The following DHX34 variants were observed in gnomAD, a reference collection of about 807,000 sequenced individuals.
DHX34 encodes the protein DExH-box helicase 34.
DHX34 carries 96 observed loss-of-function variants against 111.1 expected under a neutral mutation model. The observed-to-expected ratio is 0.86, with a 90% CI of 0.73 to 1.02. The LOEUF (loss-of-function observed/expected upper bound fraction) is 1.02. Ranked by LOEUF, DHX34 falls within the 50% of genes least tolerant of loss-of-function variation. The pLI, the probability that DHX34 is intolerant of heterozygous loss-of-function variation, is 0.00. For missense variants in DHX34, 1,560 were observed against 1,579.9 expected (o/e 0.99, Z 0.21); for synonymous variants, 688 against 670.4 (o/e 1.03, Z -0.41).
At chr19:47,365,077 C>T (rs1243867073) in intron 6 of DHX34, among the ~76,000 whole-genome samples, 1 of 152,004 alleles carries the variant, frequency 6.6e-6, no homozygotes, top group Non-Finnish European at 1.5e-5. Flanking sequence ...TATGTGTTCA[C>T]CCTATGCCCC....
At chr19:47,368,297 C>T (rs1336470456) in intron 7 of DHX34, among the ~76,000 whole-genome samples, 1 of 111,846 alleles carries the variant, frequency 8.9e-6, no homozygotes, top group Non-Finnish European at 1.7e-5. Flanking sequence ...TTCATTAAAT[C>T]CTTTTTTTTT....
At position 47,379,900 on chromosome 19, in the gene DHX34, TGGA is replaced by T. The variant is rs533574046; in HGVS notation, c.2913_2915del (p.Glu971del). 140 of 1,606,148 alleles carry T rather than the reference TGGA, an allele frequency of 8.7e-5. No individual in the cohort carries two copies. The highest frequency in any genetic ancestry group is 1.7e-4 in the Middle Eastern group (1 of 6,022). ...CTGGCGCACCAGGCCCAGCAGCAGC[TGGA>T]GGAGGAGGAGGAGGATACGCCAGTC... On this transcript the variant is annotated inframe_deletion, in exon 14 of 17. Transcript: ENST00000328771.
intron 4 of DHX34, chr19:47,359,713 C>G (rs1325121548): frequency 6.0e-6 from 2 of 335,460 alleles, no homozygotes; most frequent in Admixed American, 1.3e-4. Context: ...ACCCGGGAGG[C>G]AGAGGTTGCA....
At chr19:47,364,495 A>T (rs1431999388) in intron 6 of DHX34, among the ~76,000 whole-genome samples, 1 of 152,024 alleles carries the variant, frequency 6.6e-6, no homozygotes, top group African/African-American at 2.4e-5. Context: ...TTATCCCAGC[A>T]CTTTGGGAGG....
rs980728345 is a variant in DHX34, at chr19:47,377,211, G to A, written c.2706+5G>A. 5.0e-6 allele frequency: 8 copies of A among 1,611,102 alleles called. No individual in the cohort carries two copies. The African/African-American group carries it at 8.0e-5, about 16-fold the overall frequency. ...GTCCGCATCCCTGCCCTCCAGGTGG[G>A]CCTCTGCCCCACCCCGCCCCCATGC... On this transcript the variant is annotated splice_donor_5th_base_variant and intron_variant, in intron 13 of 16. Coordinates refer to ENST00000328771, the MANE Select transcript of DHX34 (RefSeq NM_014681.6).
chr19:47,366,828 C>G (rs1469113240), intron 6 of DHX34, 153 bp from the exon 7 acceptor site: 1 of 984,132 alleles, frequency 1.0e-6, no homozygotes, highest in Non-Finnish European at 1.2e-6. Context: ...CTTGCCTTGG[C>G]CTTTCAAAGT....
chr19:47,380,952 G>T lies in DHX34; in HGVS notation c.3119G>T (p.Gly1040Val). The T allele has an allele frequency of 6.2e-7, 1 of 1,600,376 alleles. No individual in the cohort carries two copies. The highest frequency in any genetic ancestry group is 8.5e-7 in the Non-Finnish European group (1 of 1,174,076). Residue 1040 changes from glycine to valine, a missense_variant, in exon 15 of 17, where the codon GGC becomes GTC. Coordinates refer to ENST00000328771, the MANE Select transcript of DHX34 (RefSeq NM_014681.6). ...CTGTCCCCCCACCCCACAAAGGGGG[G>T]CTACGCAGTCACTGACTTCCTCACC... ...STLSPHPTKGGYAVTDFLTYN... is the reference protein window; with the variant it reads ...STLSPHPTKGVYAVTDFLTYN...
intron 1 of DHX34, among the ~76,000 whole-genome samples, chr19:47,351,104 G>A (rs1006331476): frequency 1.3e-5 from 2 of 151,786 alleles, no homozygotes; most frequent in African/African-American, 2.4e-5. Flanking sequence ...GGAGCGGGAT[G>A]CTGTCAGTGG....
chr19:47,367,345 G>T (rs1251182383), intron 7 of DHX34, among the ~76,000 whole-genome samples, 190 bp downstream of exon 7: 1 of 152,158 alleles, frequency 6.6e-6, no homozygotes, highest in Non-Finnish European at 1.5e-5. Context: ...ACAAATCTCT[G>T]GCCTCAGGGA....
rs1970304082 is a variant in DHX34, at chr19:47,379,990, C to A, written c.2982+5C>A. 1 of 1,575,432 alleles carries A rather than the reference C, an allele frequency of 6.3e-7. No individual in the cohort carries two copies. On this transcript the variant is annotated splice_donor_5th_base_variant and intron_variant, in intron 14 of 16. Coordinates refer to ENST00000328771, the MANE Select transcript of DHX34 (RefSeq NM_014681.6). ...CTGCAATTCACGGCATCCAAGGTAC[C>A]CTCCACCAGGGTGCCCGTGCCTCCC...
chr19:47,367,247 T>G lies in DHX34; in HGVS notation c.1768+92T>G, dbSNP rs532007087. On this transcript the variant is annotated intron_variant, in intron 7 of 16. Coordinates refer to ENST00000328771, the MANE Select transcript of DHX34 (RefSeq NM_014681.6). ...TGAGTGGCCTGGGGGCAAGTCTGTT[T>G]CTTCCCTGGGTCCAGTTCATTTATT... The G allele has an allele frequency of 5.5e-6, 7 of 1,284,130 alleles. No individual in the cohort carries two copies. In the East Asian group the frequency reaches 1.2e-4, roughly 23 times the overall value. 79.5% of individuals were successfully genotyped at this position (1,284,130 alleles called of 1,614,324 possible). A position where few individuals can be genotyped will look rare whatever the true frequency, so the allele number is the denominator to read the frequency against.
intron 13 of DHX34, among the ~76,000 whole-genome samples, chr19:47,378,558 G>A (rs935140913): frequency 1.3e-5 from 2 of 152,186 alleles, no homozygotes; most frequent in Non-Finnish European, 2.9e-5. Context: ...AGAGAATCTG[G>A]CCAGCTCACA....
intron 11 of DHX34, 167 bp from the exon 12 acceptor site, chr19:47,376,276 G>T: frequency 2.1e-6 from 3 of 1,453,368 alleles, no homozygotes; most frequent in South Asian, 2.8e-5. Context: ...AGGGCTTGGG[G>T]AGTCAAGAGC....
chr19:47,360,188 C>G, intron 5 of DHX34, 118 bp downstream of exon 5: 1 of 890,196 alleles, frequency 1.1e-6, no homozygotes, highest in Non-Finnish European at 1.8e-6. Flanking sequence ...AGTTGACTTT[C>G]CCATATCCAA....
intron 7 of DHX34, among the ~76,000 whole-genome samples, chr19:47,367,844 C>T (rs185423709): frequency 1.4e-5 from 2 of 142,834 alleles, no homozygotes; most frequent in East Asian, 2.0e-4. Context: ...TGCAGTGAGC[C>T]GAGACCATGC....
At chr19:47,360,656 G>T (rs961611594) in intron 5 of DHX34, among the ~76,000 whole-genome samples, 1 of 151,602 alleles carries the variant, frequency 6.6e-6, no homozygotes, top group Non-Finnish European at 1.5e-5. Context: ...ATATGAGGGG[G>T]ATTGACATTC....
rs1434101910 is a variant in DHX34, at chr19:47,379,961, ACTC to A, written c.2961_2963del (p.Leu988del). On this transcript the variant is annotated inframe_deletion, in exon 14 of 17. Coordinates refer to ENST00000328771, the MANE Select transcript of DHX34 (RefSeq NM_014681.6). ...AGGAGGTGGCCACCCTGAGCAAGGA[ACTC>A]CTGCAATTCACGGCATCCAAGGTAC... 1 of 1,588,782 alleles carries A rather than the reference ACTC, an allele frequency of 6.3e-7. No homozygotes were observed.
intron 13 of DHX34, among the ~76,000 whole-genome samples, chr19:47,379,052 C>T (rs547812070): frequency 6.6e-6 from 1 of 151,960 alleles, no homozygotes. Flanking sequence ...TCGCTTGAAC[C>T]TGGGAGGTGG....
chr19:47,360,042 T>C lies in DHX34; in HGVS notation c.1347T>C (p.Ile449=). The C allele has an allele frequency of 1.2e-6, 2 of 1,613,998 alleles. No homozygotes were observed. Among genetic ancestry groups the C allele is most frequent in the East Asian group, 2.2e-5 (1 of 44,878 alleles). The part of the protein sequence containing the change: ...STNIAETSVT[I]DGIRFVVDSG... ...ACATTGCTGAGACCTCAGTCACCAT[T>C]GACGGGATCCGCTTCGTAGTAGATT... Residue 449 remains isoleucine, a synonymous_variant, in exon 5 of 17, where the codon ATT becomes ATC. Transcript: ENST00000328771.
Sources: gnomAD v4.1 joint callset for allele counts (sites outside exome capture counted in the v4.1 genomes callset) on GRCh38, gnomAD v4.1.1 for gene constraint, MANE v1.5 for transcripts, NCBI Gene and HGNC (gene_info 2026-07-23, HGNC 2026-07-21) for gene names.